The following ADCY2 variants were observed in gnomAD, a reference collection of about 807,000 sequenced individuals.
ADCY2 encodes adenylate cyclase type 2.
Under a neutral mutation model 125.2 loss-of-function variants are expected in ADCY2, and 31 were observed. The ratio of observed to expected loss-of-function variants is 0.25; its 90% CI spans 0.19 to 0.33. The LOEUF is 0.33. ADCY2 is among the 10% of genes least tolerant of loss of function. The pLI is 1.00. For missense variants in ADCY2, 904 were observed against 1,418.2 expected (o/e 0.64, Z 5.82); for synonymous variants, 512 against 548.4 (o/e 0.93, Z 0.93).
At chr5:7,558,462 T>G (rs1287366606) in intron 3 of ADCY2, among the ~76,000 whole-genome samples, 2 of 152,218 alleles carry the variant, frequency 1.3e-5, no homozygotes, top group Non-Finnish European at 2.9e-5. Flanking sequence ...TATTATATGA[T>G]TGTTGGCTGC....
In ADCY2 at chr5:7,622,128, G is replaced by C. The variant is rs1369128947; in HGVS notation, c.571-4039G>C. Among the ~76,000 whole-genome samples the C allele has an allele frequency of 2.6e-5, 4 of 152,298 alleles. No individual in the cohort carries two copies. In the East Asian group the frequency reaches 5.8e-4, roughly 22 times the overall value. On this transcript the variant is annotated intron_variant, in intron 3 of 24. Transcript: ENST00000338316. Reference sequence around the variant, plus strand: ...AAACAAACTCAACATTGTGGAAATAGGATTGTTTGTCAGAGGTTCTGCTTA... The same window carrying C: ...AAACAAACTCAACATTGTGGAAATACGATTGTTTGTCAGAGGTTCTGCTTA...
At chr5:7,431,217 T>A (rs988071785) in intron 2 of ADCY2, among the ~76,000 whole-genome samples, 1 of 152,212 alleles carries the variant, frequency 6.6e-6, no homozygotes, top group Admixed American at 6.5e-5. Context: ...TGGGATACAC[T>A]AGACTATCCG....
intron 2 of ADCY2, among the ~76,000 whole-genome samples, chr5:7,480,942 C>T (rs936902565): frequency 1.1e-4 from 17 of 152,122 alleles, no homozygotes; most frequent in African/African-American, 4.1e-4. Context: ...CTGCAATAAA[C>T]ATGGGAATGC....
chr5:7,727,660 G>T (rs1741972340), intron 14 of ADCY2, among the ~76,000 whole-genome samples: 1 of 151,944 alleles, frequency 6.6e-6, no homozygotes, highest in African/African-American at 2.4e-5. Context: ...TTCACTATAA[G>T]ACACACTTTG....
chr5:7,467,548 T>A (rs1320163798), intron 2 of ADCY2, among the ~76,000 whole-genome samples: 1 of 152,236 alleles, frequency 6.6e-6, no homozygotes, highest in East Asian at 1.9e-4. Flanking sequence ...CTTTGAATCC[T>A]CAGATTTCTG....
At chr5:7,568,711 C>A (rs971731255) in intron 3 of ADCY2, among the ~76,000 whole-genome samples, 2 of 152,158 alleles carry the variant, frequency 1.3e-5, no homozygotes, top group Admixed American at 6.6e-5. Context: ...CTAGTTAAAT[C>A]AAAAATTCAC....
At chr5:7,640,559 A>G (rs1738664477) in intron 4 of ADCY2, among the ~76,000 whole-genome samples, 1 of 152,222 alleles carries the variant, frequency 6.6e-6, no homozygotes, top group African/African-American at 2.4e-5. Flanking sequence ...GAAAAATTTA[A>G]AATGTCTTTA....
At chr5:7,506,210 CAA>C (rs1196848136) in intron 2 of ADCY2, among the ~76,000 whole-genome samples, 1 of 152,114 alleles carries the variant, frequency 6.6e-6, no homozygotes. Flanking sequence ...AAACACTCAA[CAA>C]AGTGTGTAAA....
intron 16 of ADCY2, among the ~76,000 whole-genome samples, chr5:7,765,456 T>C (rs1429772356): frequency 6.6e-6 from 1 of 152,210 alleles, no homozygotes; most frequent in Non-Finnish European, 1.5e-5. Context: ...TCATCATACA[T>C]AAAGAAATCT....
intron 3 of ADCY2, among the ~76,000 whole-genome samples, chr5:7,594,146 G>C (rs1205167293): frequency 6.6e-6 from 1 of 152,198 alleles, no homozygotes; most frequent in Non-Finnish European, 1.5e-5. Context: ...ATCTGGCACT[G>C]GTTACAGTGC....
chr5:7,649,719 C>T (rs1005331608), intron 4 of ADCY2, among the ~76,000 whole-genome samples: 1 of 152,170 alleles, frequency 6.6e-6, no homozygotes, highest in African/African-American at 2.4e-5. Flanking sequence ...CTATCTCTCC[C>T]CTGAAATCCA....
chr5:7,545,796 C>G (rs1250466798), intron 3 of ADCY2, among the ~76,000 whole-genome samples: 1 of 152,156 alleles, frequency 6.6e-6, no homozygotes, highest in Non-Finnish European at 1.5e-5. Context: ...TTCTTTCCCA[C>G]AATTGCACTT....
intron 2 of ADCY2, among the ~76,000 whole-genome samples, chr5:7,484,739 G>A (rs1233696700): frequency 6.6e-6 from 1 of 152,076 alleles, no homozygotes; most frequent in Non-Finnish European, 1.5e-5. Context: ...CAGTTTTCAG[G>A]TATTCTCAGC....
chr5:7,697,468 C>T (rs1338870952), intron 6 of ADCY2, among the ~76,000 whole-genome samples: 5 of 152,124 alleles, frequency 3.3e-5, no homozygotes, highest in Non-Finnish European at 5.9e-5. Flanking sequence ...CATAACCTTA[C>T]ACTAAGGAAC....
chr5:7,651,509 G>A (rs1739088860), intron 4 of ADCY2, among the ~76,000 whole-genome samples: 2 of 152,248 alleles, frequency 1.3e-5, no homozygotes, highest in African/African-American at 4.8e-5. Flanking sequence ...CAGGAAGCAC[G>A]AGAAAAAGAT....
intron 2 of ADCY2, among the ~76,000 whole-genome samples, chr5:7,486,180 C>G (rs1436272925): frequency 6.6e-6 from 1 of 152,134 alleles, no homozygotes; most frequent in Non-Finnish European, 1.5e-5. Flanking sequence ...GTCGCTATCT[C>G]TTCATTATAG....
intron 24 of ADCY2, among the ~76,000 whole-genome samples, chr5:7,821,572 C>T (rs922995133): frequency 2.0e-5 from 3 of 152,214 alleles, no homozygotes; most frequent in African/African-American, 7.2e-5. Context: ...GTGGCTACAG[C>T]ATGAGCAAGT....
At chr5:7,607,118 G>A (rs935389370) in intron 3 of ADCY2, among the ~76,000 whole-genome samples, 2 of 152,086 alleles carry the variant, frequency 1.3e-5, no homozygotes, top group African/African-American at 2.4e-5. Flanking sequence ...TTTACTTTCT[G>A]GTTCTCTTAA....
intron 3 of ADCY2, among the ~76,000 whole-genome samples, chr5:7,562,889 A>G (rs547553226): frequency 2.0e-5 from 3 of 152,342 alleles, no homozygotes; most frequent in Non-Finnish European, 4.4e-5. Flanking sequence ...TTGTAGGGCA[A>G]TATTAGGTTC....
Sources: gnomAD v4.1 joint callset for allele counts (sites outside exome capture counted in the v4.1 genomes callset) on GRCh38, gnomAD v4.1.1 for gene constraint, MANE v1.5 for transcripts, NCBI Gene and HGNC (gene_info 2026-07-23, HGNC 2026-07-21) for gene names.